Variants in MACF1 observed in about 807,000 individuals in gnomAD.
The protein encoded by MACF1 is microtubule actin crosslinking factor 1, also known as microtubule-actin cross-linking factor 1.
Under a neutral mutation model 854.8 loss-of-function variants are expected in MACF1, and 193 were observed. That is an observed-to-expected ratio of 0.23 (90% CI 0.20 to 0.25). MACF1 has a LOEUF of 0.25. Ranked by LOEUF, MACF1 falls within the 10% of genes least tolerant of loss-of-function variation. The pLI is 1.00. For missense variants in MACF1, 7,722 were observed against 8,929.1 expected (o/e 0.86, Z 5.45); for synonymous variants, 3,185 against 3,226.7 (o/e 0.99, Z 0.44).
chr1:39,241,690 A>G (rs900613058), intron 2 of MACF1, among the ~76,000 whole-genome samples: 2 of 148,504 alleles, frequency 1.3e-5, no homozygotes, highest in African/African-American at 5.0e-5. Context: ...AAAGAGTACT[A>G]CGTGACAATC....
intron 2 of MACF1, among the ~76,000 whole-genome samples, chr1:39,136,823 A>G (rs529546852): frequency 6.6e-6 from 1 of 152,242 alleles, no homozygotes; most frequent in Non-Finnish European, 1.5e-5. Context: ...GAAACAGATT[A>G]AATATGAACG....
At chr1:39,244,778 C>T (rs1644964092) in intron 2 of MACF1, among the ~76,000 whole-genome samples, 1 of 152,028 alleles carries the variant, frequency 6.6e-6, no homozygotes, top group Non-Finnish European at 1.5e-5. Context: ...AAGGTTTTGT[C>T]ATGTTCACTA....
Position 39,095,650 on chromosome 1 carries a change from G to T in MACF1, c.220+11212G>T, listed in dbSNP as rs1418345499. ...AATCCCAGCACTTTGGGAGGCCGAG[G>T]AAGGTGGATCACTTGACACCAGAAG... On this transcript the variant is annotated intron_variant, in intron 2 of 93. Transcript: ENST00000361689. Among the ~76,000 whole-genome samples the T allele has an allele frequency of 3.3e-5, 5 of 151,494 alleles. No homozygotes were observed. In the East Asian group the frequency reaches 9.7e-4, roughly 29 times the overall value.
Position 39,177,401 on chromosome 1 carries a change from C to T in MACF1, c.221-53781C>T, listed in dbSNP as rs1644044134. On this transcript the variant is annotated intron_variant, in intron 2 of 93. Transcript: ENST00000361689. Reference sequence around the variant, plus strand: ...CCTCCCAAAGTGCTGGCATTACAGGCGTGAGCCACCTTTCCCGGCCTAACT... The same window carrying T: ...CCTCCCAAAGTGCTGGCATTACAGGTGTGAGCCACCTTTCCCGGCCTAACT... 3.3e-5 allele frequency among the ~76,000 whole-genome samples: 5 copies of T among 152,152 alleles called. No homozygotes were observed. In the South Asian group the frequency reaches 8.3e-4, roughly 25 times the overall value.
intron 95 of MACF1, chr1:39,468,305 C>T (rs965923914): frequency 2.3e-5 from 5 of 212,910 alleles, no homozygotes; most frequent in Middle Eastern, 1.8e-3. Flanking sequence ...AGGAGAATTG[C>T]TTGAACCTGG....
rs1292146278 is a variant in MACF1 at position 39,190,395 on chromosome 1, GTTTTTGTTTT to G, written c.221-40781_221-40772del. On this transcript the variant is annotated intron_variant, in intron 2 of 93. Coordinates refer to the MACF1 transcript ENST00000361689. ...TGTGTGTGTGTGTGTGTGTGTGTTT[GTTTTTGTTTT>G]TTTTTTTTTTTTTTGATGGAATCTT... Among the ~76,000 whole-genome samples, 15 of 79,058 alleles carry G rather than the reference GTTTTTGTTTT, an allele frequency of 1.9e-4. 1 individual carries two copies. Among genetic ancestry groups the G allele is most frequent in the Admixed American group, 7.2e-4 (4 of 5,526 alleles). The allele number at this position is 79,058 out of a possible 152,430, so 51.9% of individuals were successfully genotyped here.
intron 21 of MACF1, 109 bp downstream of exon 21, chr1:39,297,854 A>G: frequency 7.5e-7 from 1 of 1,325,524 alleles, no homozygotes; most frequent in South Asian, 1.5e-5. Context: ...CATTGTTGTA[A>G]TAAAGTTTGG....
In MACF1 at chr1:39,358,703, C is replaced by A; in HGVS notation, c.11950C>A (p.Arg3984=). Residue 3984 remains arginine (R), a synonymous_variant, in exon 46 of 101, where the codon CGA becomes AGA. Transcript: ENST00000564288. The part of the protein sequence containing the change: ...RYTALHSKCT[R]LGSHLNMLLG... ...CTTTCTTTCTCTGGCACAGTGTACA[C>A]GATTAGGATCTCACCTGAATATGCT... 1 of 1,614,002 alleles carries A rather than the reference C, an allele frequency of 6.2e-7. No individual in the cohort carries two copies. Among genetic ancestry groups the A allele is most frequent in the Non-Finnish European group, 8.5e-7 (1 of 1,179,990 alleles).
In MACF1 at chr1:39,226,530, G is replaced by A. The variant is rs185205382; in HGVS notation, c.110-4652G>A. On this transcript the variant is annotated intron_variant, in intron 1 of 100. Transcript: ENST00000564288. The stretch of plus-strand genomic sequence containing the variant: ...TAATTTTTGTATTTTTAGTAGAGAC[G>A]GGGTTTTACTATGTTGGTCAGGCTG... Among the ~76,000 whole-genome samples, 9 of 152,078 alleles carry A rather than the reference G, an allele frequency of 5.9e-5. No homozygotes were observed. The East Asian group carries it at 1.4e-3, about 23-fold the overall frequency.
chr1:39,334,953 C>G lies in MACF1; in HGVS notation c.8365C>G (p.Leu2789Val), dbSNP rs760103735. The stretch of plus-strand genomic sequence containing the variant: ...AGTGTGTGCATTACAAAATGAATTT[C>G]TAGGAAAGGATATGTTAATTGCTTG... The part of the protein sequence containing the change: ...IEVCALQNEF[L>V]GKDMLIACNQ... Residue 2789 changes from leucine (L) to valine (V), a missense_variant, in exon 37 of 101, where the codon CTA becomes GTA. This residue lies in a region of MACF1 where 1,531 missense variants were observed against 1,601.6 expected (regional missense o/e 0.96). Transcript: ENST00000564288. 9 of 1,613,962 alleles carry G rather than the reference C, an allele frequency of 5.6e-6. No individual in the cohort carries two copies. Among genetic ancestry groups the G allele is most frequent in the Non-Finnish European group, 7.6e-6 (9 of 1,180,004 alleles).
intron 61 of MACF1, among the ~76,000 whole-genome samples, chr1:39,425,021 A>G (rs1161017633): frequency 1.3e-5 from 2 of 152,206 alleles, no homozygotes; most frequent in African/African-American, 4.8e-5. Context: ...GAAGAAACAA[A>G]ATGGAAAGAA....
At chr1:39,319,955 G>A (rs1646481941) in intron 31 of MACF1, among the ~76,000 whole-genome samples, 1 of 152,140 alleles carries the variant, frequency 6.6e-6, no homozygotes, top group African/African-American at 2.4e-5. Flanking sequence ...GTGATTTGAG[G>A]AGTCTCCATT....
intron 2 of MACF1, among the ~76,000 whole-genome samples, chr1:39,176,046 C>T (rs546588943): frequency 3.5e-5 from 5 of 142,046 alleles, no homozygotes; most frequent in African/African-American, 1.0e-4. Flanking sequence ...GGAGGCGGAG[C>T]TTGCAGTGAG....
intron 2 of MACF1, among the ~76,000 whole-genome samples, chr1:39,147,942 C>G (rs1002980480): frequency 6.6e-6 from 1 of 152,152 alleles, no homozygotes; most frequent in Non-Finnish European, 1.5e-5. Context: ...AGTTTCACCC[C>G]TTGTTTATGT....
chr1:39,471,678 G>A (rs1283831303), intron 97 of MACF1, among the ~76,000 whole-genome samples: 1 of 152,128 alleles, frequency 6.6e-6, no homozygotes, highest in Non-Finnish European at 1.5e-5. Context: ...GAAAAAAAGT[G>A]CTCCTGCCTA....
At chr1:39,355,760 A>G (rs1557606129) in intron 44 of MACF1, among the ~76,000 whole-genome samples, 2 of 151,894 alleles carry the variant, frequency 1.3e-5, no homozygotes, top group Non-Finnish European at 2.9e-5. Flanking sequence ...CACTGCGCCC[A>G]GCTTTTTTTT....
chr1:39,163,335 T>C (rs1643840413), intron 2 of MACF1, among the ~76,000 whole-genome samples: 1 of 84,664 alleles, frequency 1.2e-5, no homozygotes, highest in South Asian at 4.7e-4. Context: ...AGAGCAAGAC[T>C]GTCTCAAAAA....
At chr1:39,210,207 A>G (rs1175353028) in intron 1 of MACF1, among the ~76,000 whole-genome samples, 1 of 152,132 alleles carries the variant, frequency 6.6e-6, no homozygotes, top group African/African-American at 2.4e-5. Flanking sequence ...CATTTATGGC[A>G]ATAACTGTGT....
chr1:39,435,477 G>A, intron 69 of MACF1, 81 bp from the exon 70 acceptor site: 1 of 1,159,598 alleles, frequency 8.6e-7, no homozygotes, highest in Admixed American at 2.1e-5. Context: ...TCTTAAAGTT[G>A]ATATTAGCTC....
Sources: allele counts gnomAD v4.1 joint callset (sites outside exome capture counted in the v4.1 genomes callset), GRCh38; gene constraint gnomAD v4.1.1; regional missense constraint gnomAD v4.1.1; transcripts MANE v1.5; gene names NCBI Gene and HGNC (gene_info 2026-07-23, HGNC 2026-07-21).